The following TAB2 variants were observed in gnomAD, a reference collection of about 807,000 sequenced individuals.
The protein encoded by TAB2 is TGF-beta-activated kinase 1 and MAP3K7-binding protein 2.
TAB2 carries 3 observed loss-of-function variants against 65.0 expected under a neutral mutation model. The observed-to-expected ratio is 0.05, with a 90% CI of 0.02 to 0.12. TAB2 has a LOEUF of 0.12. TAB2 is among the 10% of genes least tolerant of loss of function. The pLI, the probability that TAB2 is intolerant of heterozygous loss-of-function variation, is 1.00. For missense variants in TAB2, 623 were observed against 840.3 expected (o/e 0.74, Z 3.20); for synonymous variants, 298 against 285.1 (o/e 1.05, Z -0.46).
At chr6:149,263,821 G>A (rs1472110593) in intron 1 of TAB2, among the ~76,000 whole-genome samples, 1 of 152,244 alleles carries the variant, frequency 6.6e-6, no homozygotes, top group South Asian at 2.1e-4. Context: ...CAAGCATTCC[G>A]TAGCAGACAT....
At chr6:149,278,458 TA>T (rs1234356930) in intron 1 of TAB2, among the ~76,000 whole-genome samples, 3 of 152,200 alleles carry the variant, frequency 2.0e-5, no homozygotes, top group Non-Finnish European at 2.9e-5. Flanking sequence ...AAGAGTAATG[TA>T]TTAATAAAAG....
In TAB2 at chr6:149,382,907, A is replaced by T. The variant is rs550194273; in HGVS notation, c.1603+3389A>T. On this transcript the variant is annotated intron_variant, in intron 3 of 6. Transcript: ENST00000637181. ...GGTGGCTCATGCCTGAAATCCCAGCACTTTGGAAGACCGAGGCGGGTGGAT... is the reference window on the plus strand; with the variant it reads ...GGTGGCTCATGCCTGAAATCCCAGCTCTTTGGAAGACCGAGGCGGGTGGAT... Among the ~76,000 whole-genome samples the T allele has an allele frequency of 3.3e-5, 5 of 152,332 alleles. No homozygotes were observed. In the South Asian group the frequency reaches 1.0e-3, roughly 32 times the overall value.
At chr6:149,253,634 A>AAAG (rs1554254207) in intron 1 of TAB2, among the ~76,000 whole-genome samples, 13 of 145,970 alleles carry the variant, frequency 8.9e-5, no homozygotes, top group Admixed American at 1.4e-4. Context: ...AAAAAAAAAA[A>AAAG]AAAAGAAAGC....
At chr6:149,393,645 G>A (rs1045972967) in intron 3 of TAB2, among the ~76,000 whole-genome samples, 12 of 152,272 alleles carry the variant, frequency 7.9e-5, no homozygotes, top group Middle Eastern at 3.4e-3. Context: ...TTAGGAATAT[G>A]GGATTGGGGA....
At chr6:149,296,539 C>T (rs1166119939) in intron 1 of TAB2, among the ~76,000 whole-genome samples, 6 of 152,066 alleles carry the variant, frequency 3.9e-5, no homozygotes, top group Non-Finnish European at 8.8e-5. Context: ...ATGTTATATC[C>T]AGCCTTTTTA....
chr6:149,379,677 A>G (rs963574021), intron 3 of TAB2, among the ~76,000 whole-genome samples, 159 bp downstream of exon 3: 1 of 151,970 alleles, frequency 6.6e-6, no homozygotes, highest in Non-Finnish European at 1.5e-5. Context: ...ATGTATATAC[A>G]TTTTAATTTT....
At chr6:149,360,823 A>G (rs998314187) in intron 1 of TAB2, among the ~76,000 whole-genome samples, 1 of 152,240 alleles carries the variant, frequency 6.6e-6, no homozygotes, top group Non-Finnish European at 1.5e-5. Context: ...CAATGGGGGT[A>G]CAGGCATGGG....
At chr6:149,266,112 A>G (rs965721361) in intron 1 of TAB2, among the ~76,000 whole-genome samples, 2 of 152,246 alleles carry the variant, frequency 1.3e-5, no homozygotes, top group Non-Finnish European at 1.5e-5. Context: ...AGTCAAAACA[A>G]TTAAAGGAAC....
chr6:149,230,271 GC>G (rs1212522595), intron 1 of TAB2: 4 of 152,136 alleles, frequency 2.6e-5, no homozygotes, highest in Non-Finnish European at 5.9e-5. Flanking sequence ...AACATGTTGA[GC>G]CCCATCTATA....
intron 1 of TAB2, among the ~76,000 whole-genome samples, chr6:149,318,408 C>CG (rs1299507782): frequency 1.8e-5 from 2 of 114,056 alleles, no homozygotes; most frequent in Admixed American, 2.1e-4. Context: ...GAGGTGGGGG[C>CG]GGGGGAGGAA....
At position 149,219,715 on chromosome 6, in the gene TAB2, T is replaced by C. The variant is rs371623253; in HGVS notation, c.-121+939T>C. On this transcript the variant is annotated intron_variant, in intron 1 of 1. Transcript: ENST00000606202. Reference sequence around the variant, plus strand: ...TTGATGTGGTATCCTAGAAACAGTTTACTCTTGTTTCAAAGAAATTATTCT... The same window carrying C: ...TTGATGTGGTATCCTAGAAACAGTTCACTCTTGTTTCAAAGAAATTATTCT... Among the ~76,000 whole-genome samples the C allele has an allele frequency of 4.6e-5, 7 of 152,330 alleles. No individual in the cohort carries two copies. The South Asian group carries it at 8.3e-4, about 18-fold the overall frequency.
In TAB2 at chr6:149,262,004, C is replaced by T. The variant is rs1778161638; in HGVS notation, c.-121+43228C>T. ...GTCATTTAAATGTGATCTTGAATAG[C>T]AGTTCAAGCTCAGCAAAATCCCTAC... is the stretch of plus-strand genomic sequence containing the variant. On this transcript the variant is annotated intron_variant, in intron 1 of 1. Coordinates refer to the TAB2 transcript ENST00000606202. 2.0e-5 allele frequency among the ~76,000 whole-genome samples: 3 copies of T among 152,202 alleles called. No homozygotes were observed. The South Asian group carries it at 6.2e-4, about 31-fold the overall frequency.
chr6:149,259,142 T>G lies in TAB2; in HGVS notation c.-121+40366T>G, dbSNP rs560393811. 8.1e-4 allele frequency among the ~76,000 whole-genome samples: 123 copies of G among 152,304 alleles called. 3 individuals are homozygous for G. Among genetic ancestry groups the G allele is most frequent in the African/African-American group, 2.6e-3 (109 of 41,556 alleles). ...AGAACTGTGGGATAATAAACTGGTG[T>G]TGTTCTAAGACACTAAGTTTGTGGT... is the stretch of plus-strand genomic sequence containing the variant. On this transcript the variant is annotated intron_variant, in intron 1 of 1. Transcript: ENST00000606202.
chr6:149,309,611 A>G (rs1028500182), intron 1 of TAB2, among the ~76,000 whole-genome samples: 2 of 151,804 alleles, frequency 1.3e-5, no homozygotes, highest in Non-Finnish European at 2.9e-5. Flanking sequence ...GTTAGCCAGG[A>G]TGGTCTGGAT....
At chr6:149,379,949 G>A (rs1163544356) in intron 3 of TAB2, 2 of 453,236 alleles carry the variant, frequency 4.4e-6, no homozygotes, top group Admixed American at 4.7e-5. Flanking sequence ...TGAAGAATAA[G>A]TAATTCTTGG....
chr6:149,338,243 G>T (rs1195033118), intron 1 of TAB2, among the ~76,000 whole-genome samples: 1 of 152,106 alleles, frequency 6.6e-6, no homozygotes, highest in Non-Finnish European at 1.5e-5. Flanking sequence ...ACCTTACATC[G>T]GTTCAACTCA....
At chr6:149,332,817 A>G (rs2114757226) in intron 1 of TAB2, among the ~76,000 whole-genome samples, 1 of 152,326 alleles carries the variant, frequency 6.6e-6, no homozygotes. Context: ...TCTTAGTCAC[A>G]GAGAATTTGT....
intron 1 of TAB2, among the ~76,000 whole-genome samples, chr6:149,239,853 C>T (rs1374465707): frequency 6.6e-6 from 1 of 152,160 alleles, no homozygotes; most frequent in Non-Finnish European, 1.5e-5. Context: ...GAGATGATAG[C>T]CTAGTAGACA....
intron 1 of TAB2, among the ~76,000 whole-genome samples, chr6:149,294,648 G>A (rs75098872): frequency 0.032 from 4,931 of 152,184 alleles, 270 homozygotes; most frequent in African/African-American, 0.11. Context: ...GTATAGTTTT[G>A]TATCACTTTA....
Sources: allele counts gnomAD v4.1 joint callset (sites outside exome capture counted in the v4.1 genomes callset), GRCh38; gene constraint gnomAD v4.1.1; transcripts MANE v1.5; gene names NCBI Gene and HGNC (gene_info 2026-07-23, HGNC 2026-07-21).